WDR33: variants seen among roughly 807,000 people sequenced by gnomAD.
WDR33 encodes pre-mRNA 3' end processing protein WDR33.
WDR33 carries 47 observed loss-of-function variants against 164.9 expected under a neutral mutation model. The ratio of observed to expected loss-of-function variants is 0.29; its 90% confidence interval spans 0.23 to 0.36. WDR33 has a LOEUF of 0.36. WDR33 is among the 10% of genes least tolerant of loss of function. The pLI is 1.00. For synonymous variants in WDR33, 505 were observed against 589.0 expected (o/e 0.86, Z 2.06); for missense variants, 1,137 against 1,754.1 (o/e 0.65, Z 6.28).
chr2:127,763,625 T>C lies in WDR33; in HGVS notation c.627-466A>G. On this transcript the variant is annotated intron_variant, in intron 6 of 21. Transcript: ENST00000322313. The surrounding 1 kb of genome is among the most constrained non-coding windows in gnomAD (Gnocchi z 4.5). Reference sequence around the variant, plus strand: ...TGTGGGCTGTCTATTAAAAGACTGATTGCTAAACATCCCTACATACAATGT... The same window carrying C: ...TGTGGGCTGTCTATTAAAAGACTGACTGCTAAACATCCCTACATACAATGT... 1.0e-6 allele frequency: 1 copy of C among 990,848 alleles called. No individual in the cohort carries two copies. The highest frequency in any genetic ancestry group is 1.2e-6 in the Non-Finnish European group (1 of 833,300). 61.4% of individuals were successfully genotyped at this position (990,848 alleles called of 1,614,324 possible). A position where few individuals can be genotyped will look rare whatever the true frequency, so the allele number is the denominator to read the frequency against.
Position 127,738,064 on chromosome 2 carries a change from C to T in WDR33, c.725-11287G>A. 1 of 1,612,470 alleles carries T rather than the reference C, an allele frequency of 6.2e-7. No homozygotes were observed. Among genetic ancestry groups the T allele is most frequent in the Non-Finnish European group, 8.5e-7 (1 of 1,179,284 alleles). ...TGATGAAAACATGTATCTATCAAAACAAGAAGGGTGCATGAACTCTTAAAT... is the reference window on the plus strand; with the variant it reads ...TGATGAAAACATGTATCTATCAAAATAAGAAGGGTGCATGAACTCTTAAAT... On this transcript the variant is annotated intron_variant, in intron 7 of 21. Coordinates refer to ENST00000322313, the MANE Select transcript of WDR33 (RefSeq NM_018383.5). This position sits in a 1 kb window ranked among gnomAD's most constrained non-coding sequence, Gnocchi z 4.4.
At chr2:127,767,523 C>T (rs1371435515) in intron 4 of WDR33, among the ~76,000 whole-genome samples, 1 of 151,966 alleles carries the variant, frequency 6.6e-6, no homozygotes, top group Non-Finnish European at 1.5e-5. Flanking sequence ...ACTATCCTGG[C>T]TAACACGGTG....
At chr2:127,727,937 C>T (rs1013638108) in intron 7 of WDR33, among the ~76,000 whole-genome samples, 3 of 152,260 alleles carry the variant, frequency 2.0e-5, no homozygotes, top group African/African-American at 4.8e-5. Context: ...GATTTGTACC[C>T]GTTCATAAGG....
chr2:127,755,953 A>G (rs1390913613), intron 7 of WDR33, among the ~76,000 whole-genome samples: 1 of 152,208 alleles, frequency 6.6e-6, no homozygotes, highest in East Asian at 1.9e-4. Context: ...GTGACAAAAC[A>G]AACAGAAATC....
chr2:127,769,258 C>G (rs1388433095), intron 2 of WDR33, among the ~76,000 whole-genome samples: 1 of 151,990 alleles, frequency 6.6e-6, no homozygotes, highest in Non-Finnish European at 1.5e-5. Flanking sequence ...GAGGGCGAGG[C>G]AGGCAGATCA....
chr2:127,732,108 AACAC>A (rs71394692), intron 7 of WDR33, among the ~76,000 whole-genome samples: 22,544 of 137,906 alleles, frequency 0.16, 1,943 homozygotes, highest in East Asian at 0.33. Context: ...CAACATATAC[AACAC>A]ACACACACAC....
chr2:127,739,337 A>C (rs1205727207), intron 7 of WDR33, among the ~76,000 whole-genome samples: 1 of 151,902 alleles, frequency 6.6e-6, no homozygotes, highest in Non-Finnish European at 1.5e-5. Flanking sequence ...ACAGTCGACT[A>C]TGATTTCCCC....
At chr2:127,739,723 C>T (rs979114510) in intron 7 of WDR33, among the ~76,000 whole-genome samples, 2 of 152,202 alleles carry the variant, frequency 1.3e-5, no homozygotes, top group Admixed American at 1.3e-4. Context: ...CATTGTGATC[C>T]AATCTCTGCC....
intron 1 of WDR33, among the ~76,000 whole-genome samples, chr2:127,793,796 C>A (rs705048): frequency 6.6e-6 from 1 of 152,016 alleles, no homozygotes; most frequent in Non-Finnish European, 1.5e-5. Flanking sequence ...AATTTCACCA[C>A]CTTACTCAAC....
At chr2:127,798,604 C>T (rs1689126457) in intron 1 of WDR33, among the ~76,000 whole-genome samples, 3 of 152,022 alleles carry the variant, frequency 2.0e-5, no homozygotes, top group Admixed American at 6.6e-5. Context: ...AACCAGTTAA[C>T]TAGTTCCTCA....
At chr2:127,804,012 C>T (rs998813792) in intron 1 of WDR33, among the ~76,000 whole-genome samples, 1 of 149,468 alleles carries the variant, frequency 6.7e-6, no homozygotes, top group Non-Finnish European at 1.5e-5. Flanking sequence ...TGCTTAAAGA[C>T]TAAAGAGATA....
intron 7 of WDR33, chr2:127,737,415 G>A: frequency 1.0e-6 from 1 of 985,500 alleles, no homozygotes; most frequent in Non-Finnish European, 1.2e-6. Flanking sequence ...AGGTTCTCTA[G>A]TAAACATTTC....
At position 127,763,270 on chromosome 2, in the gene WDR33, G is replaced by T; in HGVS notation, c.627-111C>A. 1 of 1,541,736 alleles carries T rather than the reference G, an allele frequency of 6.5e-7. No homozygotes were observed. ...CTGTGCTGCATTATAAACAGGAGAG[G>T]GAAGAATCCAGTGAAGAAGCCCTTA... On this transcript the variant is annotated intron_variant, in intron 6 of 21. Coordinates refer to ENST00000322313, the MANE Select transcript of WDR33 (RefSeq NM_018383.5). This position sits in a 1 kb window ranked among gnomAD's most constrained non-coding sequence, Gnocchi z 4.5.
intron 7 of WDR33, chr2:127,737,135 T>G (rs963656181): frequency 1.9e-4 from 184 of 985,326 alleles, no homozygotes; most frequent in Non-Finnish European, 2.1e-4. Flanking sequence ...TACATTTTTT[T>G]AAAGGCTACT....
rs560209808 is a variant in WDR33 at position 127,723,367 on chromosome 2, A to G, written c.1197-20T>C. On this transcript the variant is annotated intron_variant, in intron 11 of 21. Coordinates refer to ENST00000322313, the MANE Select transcript of WDR33 (RefSeq NM_018383.5). This position sits in a 1 kb window ranked among gnomAD's most constrained non-coding sequence, Gnocchi z 5.9. ...AATTTGCTGTAAAAATAATTAAAGG[A>G]GAAAAGAAGCATGGCTTCACTATTT... 1 of 1,608,690 alleles carries G rather than the reference A, an allele frequency of 6.2e-7. No homozygotes were observed. The highest frequency in any genetic ancestry group is 2.2e-5 in the East Asian group (1 of 44,842).
chr2:127,706,323 C>T lies in WDR33; in HGVS notation c.4011G>A (p.Ter1337=). 1 of 1,558,306 alleles carries T rather than the reference C, an allele frequency of 6.4e-7. No individual in the cohort carries two copies. Among genetic ancestry groups the T allele is most frequent in the South Asian group, 1.2e-5 (1 of 80,428 alleles). ...GCCTCAGGGTACTCAGTTCCAGCTT[C>T]TACCGACCCCTTCCACCACCCCGTG... ...GASRGGGRGR[*] The change falls in exon 22 of 22, where the codon TAG becomes TAA. Residue 1337 remains the stop codon, a stop_retained_variant. Transcript: ENST00000322313. The surrounding 1 kb of genome is among the most constrained non-coding windows in gnomAD (Gnocchi z 5.1).
chr2:127,702,277 G>A lies in WDR33; in HGVS notation c.*4046C>T. 3.6e-6 allele frequency: 4 copies of A among 1,103,668 alleles called. No individual in the cohort carries two copies. Among genetic ancestry groups the A allele is most frequent in the Non-Finnish European group, 4.5e-6 (4 of 884,528 alleles). 68.4% of individuals were successfully genotyped at this position (1,103,668 alleles called of 1,614,324 possible). On this transcript the variant is annotated 3_prime_UTR_variant, in exon 22 of 22. Coordinates refer to ENST00000322313, the MANE Select transcript of WDR33 (RefSeq NM_018383.5). ...TGCACGCCGCTGTGCGGAAGCCCGTGGCGAAGGCCCTGCCCTAACAGCCTG... is the reference window on the plus strand; with the variant it reads ...TGCACGCCGCTGTGCGGAAGCCCGTAGCGAAGGCCCTGCCCTAACAGCCTG...
chr2:127,766,965 G>A (rs967828803), intron 4 of WDR33, among the ~76,000 whole-genome samples: 3 of 152,052 alleles, frequency 2.0e-5, no homozygotes, highest in African/African-American at 7.2e-5. Context: ...CATCATATTG[G>A]TCAGGCTGGT....
chr2:127,707,013 C>T (rs1456994316), intron 21 of WDR33, among the ~76,000 whole-genome samples: 2 of 152,116 alleles, frequency 1.3e-5, no homozygotes, highest in Non-Finnish European at 2.9e-5. Context: ...GGGACTGTCC[C>T]GTGACATGTG....
Sources: gnomAD v4.1 joint callset for allele counts (sites outside exome capture counted in the v4.1 genomes callset) on GRCh38, gnomAD v4.1.1 for gene constraint, Gnocchi (gnomAD v3.1) non-coding constraint, MANE v1.5 for transcripts, NCBI Gene and HGNC (gene_info 2026-07-23, HGNC 2026-07-21) for gene names.